HSBP1: variants seen among roughly 807,000 people sequenced by gnomAD.
The protein encoded by HSBP1 is heat shock factor binding protein 1, also known as heat shock factor-binding protein 1.
Under a neutral mutation model 9.6 loss-of-function variants are expected in HSBP1, and 5 were observed. The ratio of observed to expected loss-of-function variants is 0.52; its 90% CI spans 0.27 to 1.09. HSBP1 has a LOEUF of 1.09. Ranked by LOEUF, HSBP1 falls within the 50% of genes least tolerant of loss-of-function variation. The probability of loss-of-function intolerance (pLI) is 0.11; values close to 1 mark genes in which losing one functional copy is unlikely to be tolerated. For synonymous variants in HSBP1, 42 were observed against 33.3 expected, an observed-to-expected ratio of 1.26 and a Z score of -0.90; for missense variants, 121 against 96.3, an observed-to-expected ratio of 1.26 and a Z score of -1.07.
rs760266588 is a variant in HSBP1, at chr16:83,809,371, G to T, written c.179G>T (p.Gly60Val). Reference protein sequence around the residue: ...KNIADLMTQAGVEELESENKI... With the variant: ...KNIADLMTQAVVEELESENKI... Reference sequence around the variant, plus strand: ...ATCGCGGACCTCATGACACAGGCTGGGGTGGAAGAACTGGAAAGTGAAAAC... The same window carrying T: ...ATCGCGGACCTCATGACACAGGCTGTGGTGGAAGAACTGGAAAGTGAAAAC... The change falls in exon 3 of 4, where the codon GGG becomes GTG. Residue 60 changes from glycine to valine, a missense_variant. Transcript: ENST00000433866. 6 of 1,606,200 alleles carry T rather than the reference G, an allele frequency of 3.7e-6. No homozygotes were observed. Among genetic ancestry groups the T allele is most frequent in the Non-Finnish European group, 5.1e-6 (6 of 1,176,250 alleles).
rs1472739411 is a variant in HSBP1 at position 83,815,260 on chromosome 16, G to A, written c.*3842G>A. The stretch of plus-strand genomic sequence containing the variant: ...ACAAATTAATATGGAAATAGGAAAA[G>A]GGTTTGTTTCAACAAGTCAGGATGA... On this transcript the variant is annotated 3_prime_UTR_variant, in exon 4 of 4. Coordinates refer to ENST00000433866, the MANE Select transcript of HSBP1 (RefSeq NM_001537.4). 2.0e-5 allele frequency: 3 copies of A among 152,110 alleles called. No individual in the cohort carries two copies. The highest frequency in any genetic ancestry group is 2.9e-5 in the Non-Finnish European group (2 of 68,030). 9.4% of individuals were successfully genotyped at this position (152,110 alleles called of 1,614,324 possible). A position where few individuals can be genotyped will look rare whatever the true frequency, so the allele number is the denominator to read the frequency against.
Position 83,812,976 on chromosome 16 carries a change from G to T in HSBP1, c.*1558G>T, listed in dbSNP as rs1904635451. Reference sequence around the variant, plus strand: ...CCAAAAATATCTGCCATGAATAAAGGTGCCTGAAATCCTGCTATGAAGCTT... The same window carrying T: ...CCAAAAATATCTGCCATGAATAAAGTTGCCTGAAATCCTGCTATGAAGCTT... On this transcript the variant is annotated 3_prime_UTR_variant, in exon 4 of 4. Transcript: ENST00000433866. 1 of 152,226 alleles carries T rather than the reference G, an allele frequency of 6.6e-6. No homozygotes were observed. The highest frequency in any genetic ancestry group is 1.5e-5 in the Non-Finnish European group (1 of 68,050). 9.4% of individuals were successfully genotyped at this position (152,226 alleles called of 1,614,324 possible). A position where few individuals can be genotyped will look rare whatever the true frequency, so the allele number is the denominator to read the frequency against.
intron 1 of HSBP1, chr16:83,808,399 C>G (rs1382861099): frequency 1.8e-6 from 1 of 560,828 alleles, no homozygotes; most frequent in Non-Finnish European, 3.1e-6. Flanking sequence ...CTCTGACACC[C>G]TCCCCGCCCT....
intron 2 of HSBP1, chr16:83,808,975 G>A: frequency 1.7e-6 from 1 of 574,936 alleles, no homozygotes. Context: ...TAGCTGGTGT[G>A]GTGGACCATG....
chr16:83,813,296 A>G lies in HSBP1; in HGVS notation c.*1878A>G, dbSNP rs1293333669. ...GTTTAGACGACATTCTGTGAACCTCATGAAGAAATTAGCATATTAAAGACT... is the reference window on the plus strand; with the variant it reads ...GTTTAGACGACATTCTGTGAACCTCGTGAAGAAATTAGCATATTAAAGACT... On this transcript the variant is annotated 3_prime_UTR_variant, in exon 4 of 4. Transcript: ENST00000433866. 1 of 152,276 alleles carries G rather than the reference A, an allele frequency of 6.6e-6. No homozygotes were observed. The highest frequency in any genetic ancestry group is 2.4e-5 in the African/African-American group (1 of 41,464). The allele number at this position is 152,276 out of a possible 1,614,324, so 9.4% of individuals were successfully genotyped here. A position where few individuals can be genotyped will look rare whatever the true frequency, so the allele number is the denominator to read the frequency against.
At position 83,809,400 on chromosome 16, in the gene HSBP1, A is replaced by T; in HGVS notation, c.208A>T (p.Ile70Leu). 1 of 1,596,972 alleles carries T rather than the reference A, an allele frequency of 6.3e-7. No homozygotes were observed. Among genetic ancestry groups the T allele is most frequent in the Non-Finnish European group, 8.5e-7 (1 of 1,170,716 alleles). ...GVEELESENK[I>L]PATQKS is the part of the protein sequence containing the mutation. ...GGAAGAACTGGAAAGTGAAAACAAGATACCTGCCACGCAAAAGAGTTGAAG... is the reference window on the plus strand; with the variant it reads ...GGAAGAACTGGAAAGTGAAAACAAGTTACCTGCCACGCAAAAGAGTTGAAG... The change falls in exon 3 of 4, where the codon ATA becomes TTA. Residue 70 changes from isoleucine to leucine, a missense_variant. Ile to Leu is a conservative substitution (Grantham distance 5). Transcript: ENST00000433866.
chr16:83,808,188 G>C lies in HSBP1; in HGVS notation c.45+67G>C, dbSNP rs1387548486. The C allele has an allele frequency of 7.4e-6, 10 of 1,354,466 alleles. No individual in the cohort carries two copies. The East Asian group carries it at 2.8e-4, about 38-fold the overall frequency. 83.9% of individuals were successfully genotyped at this position (1,354,466 alleles called of 1,614,324 possible). Reference sequence around the variant, plus strand: ...GGCGGCGCCGGGCCAAGCCCTGCTGGACAGAGGCGCGCCCACCGCGGCCGC... The same window carrying C: ...GGCGGCGCCGGGCCAAGCCCTGCTGCACAGAGGCGCGCCCACCGCGGCCGC... On this transcript the variant is annotated intron_variant, in intron 1 of 3. Coordinates refer to ENST00000433866, the MANE Select transcript of HSBP1 (RefSeq NM_001537.4).
In HSBP1 at chr16:83,813,798, T is replaced by G. The variant is rs746651340; in HGVS notation, c.*2380T>G. 7 of 152,166 alleles carry G rather than the reference T, an allele frequency of 4.6e-5. No homozygotes were observed. Among genetic ancestry groups the G allele is most frequent in the African/African-American group, 7.2e-5 (3 of 41,424 alleles). The allele number at this position is 152,166 out of a possible 1,614,324, so 9.4% of individuals were successfully genotyped here. ...TCTCAAACCCCAAGGCCCCACAGCTTCTTCATTTGGCCCCTAGTTCATCCT... is the reference window on the plus strand; with the variant it reads ...TCTCAAACCCCAAGGCCCCACAGCTGCTTCATTTGGCCCCTAGTTCATCCT... On this transcript the variant is annotated 3_prime_UTR_variant, in exon 4 of 4. Coordinates refer to ENST00000433866, the MANE Select transcript of HSBP1 (RefSeq NM_001537.4).
Position 83,815,310 on chromosome 16 carries a change from G to T in HSBP1, c.*3892G>T, listed in dbSNP as rs545079944. The T allele has an allele frequency of 6.6e-6, 1 of 152,026 alleles. No individual in the cohort carries two copies. Among genetic ancestry groups the T allele is most frequent in the Non-Finnish European group, 1.5e-5 (1 of 67,994 alleles). The allele number at this position is 152,026 out of a possible 1,614,324, so 9.4% of individuals were successfully genotyped here. A position where few individuals can be genotyped will look rare whatever the true frequency, so the allele number is the denominator to read the frequency against. On this transcript the variant is annotated 3_prime_UTR_variant, in exon 4 of 4. Transcript: ENST00000433866. ...ACAGTATTTTAAAAAAGAAAAAAAG[G>T]CCAGCCTGGGCAATATACTGAGACT...
Position 83,816,193 on chromosome 16 carries a change from G to A in HSBP1, c.*4775G>A, listed in dbSNP as rs1904716801. The A allele has an allele frequency of 6.6e-6, 1 of 152,178 alleles. No individual in the cohort carries two copies. Among genetic ancestry groups the A allele is most frequent in the Non-Finnish European group, 1.5e-5 (1 of 68,068 alleles). 9.4% of individuals were successfully genotyped at this position (152,178 alleles called of 1,614,324 possible). A position where few individuals can be genotyped will look rare whatever the true frequency, so the allele number is the denominator to read the frequency against. ...GTGGGTGGATCACCTGAGGTCAGGA[G>A]TTCTAAACCAGCCTGGCCAACATGG... On this transcript the variant is annotated 3_prime_UTR_variant, in exon 4 of 4. Coordinates refer to ENST00000433866, the MANE Select transcript of HSBP1 (RefSeq NM_001537.4).
chr16:83,819,480 C>T lies in HSBP1; in HGVS notation c.*8062C>T, dbSNP rs1904792854. The T allele has an allele frequency of 6.6e-6, 1 of 152,206 alleles. No homozygotes were observed. The highest frequency in any genetic ancestry group is 1.9e-4 in the East Asian group (1 of 5,168). 9.4% of individuals were successfully genotyped at this position (152,206 alleles called of 1,614,324 possible). ...CTGCCTTCTGAACCGAGGAGTCCAC[C>T]CCTAAGCCCGAGGAACTGAGCGTGA... On this transcript the variant is annotated 3_prime_UTR_variant, in exon 4 of 4. Coordinates refer to ENST00000433866, the MANE Select transcript of HSBP1 (RefSeq NM_001537.4).
In HSBP1 at chr16:83,812,318, T is replaced by G. The variant is rs927399452; in HGVS notation, c.*900T>G. 1.3e-5 allele frequency: 2 copies of G among 152,410 alleles called. No individual in the cohort carries two copies. The highest frequency in any genetic ancestry group is 2.9e-5 in the Non-Finnish European group (2 of 68,048). The allele number at this position is 152,410 out of a possible 1,614,324, so 9.4% of individuals were successfully genotyped here. A position where few individuals can be genotyped will look rare whatever the true frequency, so the allele number is the denominator to read the frequency against. On this transcript the variant is annotated 3_prime_UTR_variant, in exon 4 of 4. Coordinates refer to ENST00000433866, the MANE Select transcript of HSBP1 (RefSeq NM_001537.4). ...CTAGAATATGATCAACGACTTGTAGTAGACTCAAGTTTTTAAAAAACACTA... is the reference window on the plus strand; with the variant it reads ...CTAGAATATGATCAACGACTTGTAGGAGACTCAAGTTTTTAAAAAACACTA...
intron 2 of HSBP1, 109 bp from the exon 3 acceptor site, chr16:83,809,196 T>C (rs1904538009): frequency 4.3e-6 from 3 of 701,192 alleles, no homozygotes; most frequent in East Asian, 5.5e-5. Flanking sequence ...CGAAAGAAAA[T>C]TGGAAGACCA....
At position 83,808,704 on chromosome 16, in the gene HSBP1, C is replaced by G; in HGVS notation, c.70C>G (p.Gln24Glu). 6.2e-7 allele frequency: 1 copy of G among 1,612,754 alleles called. No individual in the cohort carries two copies. Among genetic ancestry groups the G allele is most frequent in the Non-Finnish European group, 8.5e-7 (1 of 1,178,992 alleles). The change falls in exon 2 of 4, where the codon CAA (glutamine) becomes GAA (glutamate). Residue 24 changes from glutamine to glutamate, a missense_variant. By Grantham distance (29) the Gln-to-Glu change is conservative. Coordinates refer to ENST00000433866, the MANE Select transcript of HSBP1 (RefSeq NM_001537.4). Reference sequence around the variant, plus strand: ...GGTGCAGACACTCCTGCAGCAGATGCAAGATAAATTTCAGACCATGTCTGA... The same window carrying G: ...GGTGCAGACACTCCTGCAGCAGATGGAAGATAAATTTCAGACCATGTCTGA... Reference protein sequence around the residue: ...SVVQTLLQQMQDKFQTMSDQI... With the variant: ...SVVQTLLQQMEDKFQTMSDQI...
At chr16:83,811,187 T>C (rs1013436402) in intron 3 of HSBP1, among the ~76,000 whole-genome samples, 1 of 152,236 alleles carries the variant, frequency 6.6e-6, no homozygotes, top group Non-Finnish European at 1.5e-5. Flanking sequence ...AATTTCAGGA[T>C]GGTAGACTGG....
chr16:83,808,257 C>A, intron 1 of HSBP1, 136 bp downstream of exon 1: 1 of 772,056 alleles, frequency 1.3e-6, no homozygotes, highest in Non-Finnish European at 2.0e-6. Context: ...CGTCTCTGGC[C>A]GAGGCTCCCG....
At position 83,814,134 on chromosome 16, in the gene HSBP1, A is replaced by G. The variant is rs922494247; in HGVS notation, c.*2716A>G. On this transcript the variant is annotated 3_prime_UTR_variant, in exon 4 of 4. Transcript: ENST00000433866. ...TCTTTTATTTTGTATTTTGCACATT[A>G]TATATTTTGATTAGATTAAAATGGA... 6.6e-6 allele frequency: 1 copy of G among 152,186 alleles called. No homozygotes were observed. The highest frequency in any genetic ancestry group is 2.4e-5 in the African/African-American group (1 of 41,432). The allele number at this position is 152,186 out of a possible 1,614,324, so 9.4% of individuals were successfully genotyped here.
At chr16:83,809,833 A>G (rs1362279241) in intron 3 of HSBP1, among the ~76,000 whole-genome samples, 2 of 152,118 alleles carry the variant, frequency 1.3e-5, no homozygotes, top group African/African-American at 4.8e-5. Flanking sequence ...GTAGTCAGAC[A>G]TTCTGTAGAT....
intron 3 of HSBP1, among the ~76,000 whole-genome samples, chr16:83,811,066 C>T (rs1011459498): frequency 6.6e-6 from 1 of 152,058 alleles, no homozygotes; most frequent in African/African-American, 2.4e-5. Context: ...TATTCTTATC[C>T]AGAGATAATT....
Sources: gnomAD v4.1 joint callset for allele counts (sites outside exome capture counted in the v4.1 genomes callset) on GRCh38, gnomAD v4.1.1 for gene constraint, MANE v1.5 for transcripts, NCBI Gene and HGNC (gene_info 2026-07-23, HGNC 2026-07-21) for gene names.